The following ST18 variants were observed in gnomAD, a reference collection of about 807,000 sequenced individuals.
ST18 encodes the protein ST18 C2H2C-type zinc finger transcription factor.
ST18 carries 50 observed loss-of-function variants against 110.0 expected under a neutral mutation model. That is an observed-to-expected ratio of 0.45 (90% CI 0.36 to 0.58). The LOEUF is 0.58. ST18 is among the 20% of genes least tolerant of loss of function. ST18 has a pLI of 0.00. For missense variants in ST18, 1,306 were observed against 1,280.1 expected, an observed-to-expected ratio of 1.02 and a Z score of -0.31; for synonymous variants, 461 against 452.4, an observed-to-expected ratio of 1.02 and a Z score of -0.24.
chr8:52,234,728 GGTGTGTGTGTGTGTGT>G (rs3054614), intron 2 of ST18, among the ~76,000 whole-genome samples: 1 of 145,612 alleles, frequency 6.9e-6, no homozygotes, highest in African/African-American at 2.5e-5. Flanking sequence ...AAGAAACTAT[GGTGTGTGTGTGTGTGT>G]GTGTGTGTGT....
intron 8 of ST18, chr8:52,209,952 C>T (rs1312438669): frequency 1.0e-5 from 4 of 381,826 alleles, no homozygotes; most frequent in Admixed American, 6.6e-5. Flanking sequence ...AATTATATTT[C>T]TCTTCTAGGC....
At chr8:52,315,793 C>A (rs6989661) in intron 2 of ST18, among the ~76,000 whole-genome samples, 2,492 of 152,260 alleles carry the variant, frequency 0.016, 57 homozygotes, top group African/African-American at 0.057. Flanking sequence ...CTTCACTTAA[C>A]CATCTTTCCC....
At chr8:52,214,637 CT>C (rs2083447537) in intron 6 of ST18, among the ~76,000 whole-genome samples, 1 of 152,146 alleles carries the variant, frequency 6.6e-6, no homozygotes, top group South Asian at 2.1e-4. Flanking sequence ...AACCTAAGTC[CT>C]TTTACATTTC....
intron 2 of ST18, among the ~76,000 whole-genome samples, chr8:52,353,976 T>A (rs1179081494): frequency 2.0e-5 from 3 of 152,222 alleles, no homozygotes; most frequent in Admixed American, 1.3e-4. Context: ...AGTGTTTTGC[T>A]CTTGGGCTAG....
intron 5 of ST18, among the ~76,000 whole-genome samples, chr8:52,220,028 T>C (rs1393095676): frequency 1.3e-5 from 2 of 152,202 alleles, no homozygotes; most frequent in Non-Finnish European, 1.5e-5. Context: ...TATTAGTCAC[T>C]GTACCACGGC....
intron 2 of ST18, among the ~76,000 whole-genome samples, chr8:52,307,714 C>T (rs896514915): frequency 6.6e-6 from 1 of 152,166 alleles, no homozygotes; most frequent in East Asian, 1.9e-4. Context: ...ATGTAATACC[C>T]AGACATGCAG....
intron 6 of ST18, 152 bp from the exon 7 acceptor site, chr8:52,214,409 TC>T: frequency 1.5e-6 from 1 of 650,260 alleles, no homozygotes; most frequent in Admixed American, 2.8e-5. Context: ...TAACTGTGAC[TC>T]CCCCCACATA....
At chr8:52,336,497 A>G (rs982877898) in intron 2 of ST18, among the ~76,000 whole-genome samples, 2 of 152,306 alleles carry the variant, frequency 1.3e-5, no homozygotes, top group Admixed American at 1.3e-4. Flanking sequence ...TCACAGAGCC[A>G]TCTCAGGAGC....
At chr8:52,314,474 T>C (rs548749708) in intron 2 of ST18, among the ~76,000 whole-genome samples, 18 of 152,152 alleles carry the variant, frequency 1.2e-4, no homozygotes, top group African/African-American at 4.3e-4. Context: ...CCCTTGAGAG[T>C]CATCAAAGGC....
intron 2 of ST18, among the ~76,000 whole-genome samples, chr8:52,332,798 C>T (rs937070799): frequency 6.6e-6 from 1 of 152,032 alleles, no homozygotes; most frequent in Non-Finnish European, 1.5e-5. Context: ...TTGCAGTGAG[C>T]CGAGATTGTG....
At chr8:52,280,923 C>G (rs1298620339) in intron 2 of ST18, among the ~76,000 whole-genome samples, 1 of 151,832 alleles carries the variant, frequency 6.6e-6, no homozygotes. Flanking sequence ...ATACATAGAA[C>G]ATTGTAAAAA....
chr8:52,335,122 G>C lies in ST18; in HGVS notation c.-465+74206C>G, dbSNP rs550449641. On this transcript the variant is annotated intron_variant, in intron 2 of 25. Coordinates refer to ENST00000689386, the MANE Select transcript of ST18 (RefSeq NM_001352837.2). The stretch of plus-strand genomic sequence containing the variant: ...CTTATTTTTTTCCCACCAGGCAATA[G>C]AGAAATCAGCTATCTTATGACTTCA... Among the ~76,000 whole-genome samples, 3 of 152,214 alleles carry C rather than the reference G, an allele frequency of 2.0e-5. No individual in the cohort carries two copies. In the East Asian group the frequency reaches 5.8e-4, roughly 29 times the overall value.
intron 2 of ST18, among the ~76,000 whole-genome samples, chr8:52,344,152 G>A (rs547198960): frequency 6.6e-5 from 10 of 152,136 alleles, no homozygotes; most frequent in Non-Finnish European, 1.0e-4. Context: ...TTATCAAAAA[G>A]TTATTAAGAC....
chr8:52,255,226 T>A (rs1013811381), intron 2 of ST18, among the ~76,000 whole-genome samples: 2 of 152,142 alleles, frequency 1.3e-5, no homozygotes, highest in African/African-American at 2.4e-5. Flanking sequence ...GCTGTCGGGA[T>A]TGGACACTTG....
At chr8:52,257,175 G>A (rs1231048354) in intron 2 of ST18, among the ~76,000 whole-genome samples, 1 of 152,008 alleles carries the variant, frequency 6.6e-6, no homozygotes, top group African/African-American at 2.4e-5. Flanking sequence ...TCTATTGTTT[G>A]GATATACCAT....
At chr8:52,271,161 T>G (rs755706162) in intron 2 of ST18, among the ~76,000 whole-genome samples, 10 of 152,130 alleles carry the variant, frequency 6.6e-5, no homozygotes, top group African/African-American at 1.2e-4. Context: ...GCCTCCCAAA[T>G]AGGGTTATAC....
At chr8:52,296,545 A>AGTT (rs1434397256) in intron 2 of ST18, 2 of 152,174 alleles carry the variant, frequency 1.3e-5, no homozygotes, top group Admixed American at 1.3e-4. Context: ...TCTGACCGTC[A>AGTT]CTTACTGGTG....
At chr8:52,171,742 A>T in intron 10 of ST18, 50 bp downstream of exon 10, 1 of 1,576,036 alleles carries the variant, frequency 6.3e-7, no homozygotes, top group Non-Finnish European at 8.6e-7. Context: ...CTTTTTTTTC[A>T]AACCCTAATG....
At chr8:52,320,657 T>G (rs945592388) in intron 2 of ST18, among the ~76,000 whole-genome samples, 2 of 152,232 alleles carry the variant, frequency 1.3e-5, no homozygotes, top group Non-Finnish European at 2.9e-5. Flanking sequence ...TACCGTGAGA[T>G]ACTATCAGAT....
Sources: gnomAD v4.1 joint callset for allele counts (sites outside exome capture counted in the v4.1 genomes callset) on GRCh38, gnomAD v4.1.1 for gene constraint, MANE v1.5 for transcripts, NCBI Gene and HGNC (gene_info 2026-07-23, HGNC 2026-07-21) for gene names.